The following OSBP variants were observed in gnomAD, a reference collection of about 807,000 sequenced individuals.
OSBP encodes oxysterol-binding protein 1.
A neutral mutation model predicts 96.6 loss-of-function variants in OSBP; 32 were observed. The ratio of observed to expected loss-of-function variants is 0.33; its 90% CI spans 0.25 to 0.45. The LOEUF is 0.45. Among genes scored for constraint, OSBP ranks in the 20% least tolerant of loss-of-function variants. The pLI, the probability that OSBP is intolerant of heterozygous loss-of-function variation, is 1.00. For missense variants in OSBP, 653 were observed against 1,029.7 expected (o/e 0.63, Z 5.01); for synonymous variants, 369 against 389.6 (o/e 0.95, Z 0.62).
chr11:59,613,492 G>A (rs1010047250), intron 1 of OSBP, among the ~76,000 whole-genome samples: 2 of 152,302 alleles, frequency 1.3e-5, no homozygotes, highest in African/African-American at 4.8e-5. Flanking sequence ...GACCACATAC[G>A]AAGGCCCTGA....
At chr11:59,585,965 G>A (rs1860494836) in intron 9 of OSBP, among the ~76,000 whole-genome samples, 1 of 152,026 alleles carries the variant, frequency 6.6e-6, no homozygotes, top group African/African-American at 2.4e-5. Context: ...ATGCTTGAAG[G>A]CAGCATGCTG....
intron 3 of OSBP, among the ~76,000 whole-genome samples, chr11:59,602,308 G>C (rs1860734004): frequency 1.3e-5 from 2 of 152,116 alleles, no homozygotes. Context: ...CCAAGTATGG[G>C]GAAACTCATT....
intron 1 of OSBP, among the ~76,000 whole-genome samples, chr11:59,614,918 T>G (rs1016939417): frequency 1.3e-5 from 2 of 151,966 alleles, no homozygotes; most frequent in African/African-American, 4.8e-5. Flanking sequence ...TTGGGAGGAG[T>G]GCCTCGGGTT....
At chr11:59,606,963 C>T (rs1198387212) in intron 3 of OSBP, among the ~76,000 whole-genome samples, 1 of 152,124 alleles carries the variant, frequency 6.6e-6, no homozygotes, top group Non-Finnish European at 1.5e-5. Context: ...TTCCCTTTAA[C>T]ACAAACTCTG....
chr11:59,577,690 C>T (rs1860375986), intron 12 of OSBP, among the ~76,000 whole-genome samples: 1 of 152,112 alleles, frequency 6.6e-6, no homozygotes, highest in Non-Finnish European at 1.5e-5. Context: ...ACGGTTTCGC[C>T]ATGTTGGCCA....
chr11:59,614,308 A>G (rs1435806122), intron 1 of OSBP, among the ~76,000 whole-genome samples: 7 of 152,190 alleles, frequency 4.6e-5, no homozygotes, highest in Non-Finnish European at 8.8e-5. Flanking sequence ...TAAGATGGGA[A>G]TATTTCCCAA....
intron 9 of OSBP, among the ~76,000 whole-genome samples, chr11:59,593,055 C>T (rs1326774520): frequency 1.3e-5 from 2 of 152,134 alleles, no homozygotes; most frequent in Admixed American, 6.5e-5. Context: ...GCCCTGGCCT[C>T]CCAAAGTGCT....
chr11:59,615,585 G>A lies in OSBP; in HGVS notation c.80C>T (p.Pro27Leu), dbSNP rs1860916671. Residue 27 changes from proline (P) to leucine (L), a missense_variant, in exon 1 of 14, where the codon CCC becomes CTC. This residue lies in a region of OSBP where 151 missense variants were observed against 146.1 expected (regional missense o/e 1.03). Coordinates refer to ENST00000263847, the MANE Select transcript of OSBP (RefSeq NM_002556.3). ...GCCGCCGCCTCCTCCCACCACTGGG[G>A]GACCGGCGCCGCCGCCGCCAAGTGC... is the stretch of plus-strand genomic sequence containing the variant. ...IAALGGGGAG[P>L]PVVGGGGGRG... 1.8e-5 allele frequency: 25 copies of A among 1,374,558 alleles called. No individual in the cohort carries two copies. Among genetic ancestry groups the A allele is most frequent in the Middle Eastern group, 2.6e-4 (1 of 3,816 alleles). The allele number at this position is 1,374,558 out of a possible 1,614,324, so 85.1% of individuals were successfully genotyped here.
At chr11:59,609,123 C>A (rs1001451834) in intron 2 of OSBP, among the ~76,000 whole-genome samples, 2 of 152,188 alleles carry the variant, frequency 1.3e-5, no homozygotes, top group African/African-American at 4.8e-5. Context: ...TACTGAGCTC[C>A]TTAACTCTAG....
At chr11:59,601,536 T>A in intron 4 of OSBP, 104 bp downstream of exon 4, 1 of 1,193,310 alleles carries the variant, frequency 8.4e-7, no homozygotes, top group African/African-American at 1.5e-5. Context: ...CCAATTCCAT[T>A]TCACATGACT....
chr11:59,603,529 GT>G (rs370609645), intron 3 of OSBP, among the ~76,000 whole-genome samples: 3,520 of 86,826 alleles, frequency 0.041, 49 homozygotes, highest in African/African-American at 0.12. Flanking sequence ...ATCACCTTCA[GT>G]TTTTTTTTTT....
chr11:59,614,029 G>T (rs1345694624), intron 1 of OSBP, among the ~76,000 whole-genome samples: 1 of 151,954 alleles, frequency 6.6e-6, no homozygotes, highest in Non-Finnish European at 1.5e-5. Flanking sequence ...CAAAGAGGAT[G>T]GTCTCTGGAA....
At chr11:59,603,363 A>T (rs1860744015) in intron 3 of OSBP, among the ~76,000 whole-genome samples, 1 of 152,238 alleles carries the variant, frequency 6.6e-6, no homozygotes, top group East Asian at 1.9e-4. Context: ...GGTAAACAGG[A>T]TATTTACTCC....
intron 3 of OSBP, 110 bp from the exon 4 acceptor site, chr11:59,601,948 A>G (rs1008287539): frequency 2.0e-5 from 17 of 859,860 alleles, no homozygotes; most frequent in Non-Finnish European, 2.7e-5. Context: ...CTGGCAAATT[A>G]CAATGAAAGA....
chr11:59,575,901 T>C lies in OSBP; in HGVS notation c.*676A>G, dbSNP rs1255497629. ...AGTGGTCTCCAGTTGCTATTAAAGATGATGGAGAACAACAGAGGGGTGTTT... is the reference window on the plus strand; with the variant it reads ...AGTGGTCTCCAGTTGCTATTAAAGACGATGGAGAACAACAGAGGGGTGTTT... On this transcript the variant is annotated 3_prime_UTR_variant, in exon 14 of 14. Transcript: ENST00000263847. 6.6e-6 allele frequency: 1 copy of C among 152,152 alleles called. No homozygotes were observed. Among genetic ancestry groups the C allele is most frequent in the Non-Finnish European group, 1.5e-5 (1 of 68,032 alleles). The allele number at this position is 152,152 out of a possible 1,614,324, so 9.4% of individuals were successfully genotyped here. A position where few individuals can be genotyped will look rare whatever the true frequency, so the allele number is the denominator to read the frequency against.
rs1368421128 is a variant in OSBP, at chr11:59,576,762, T to C, written c.2281+43A>G. 5.6e-6 allele frequency: 9 copies of C among 1,612,504 alleles called. No homozygotes were observed. In the South Asian group the frequency reaches 7.7e-5, roughly 14 times the overall value. On this transcript the variant is annotated intron_variant, in intron 13 of 13. Transcript: ENST00000263847. ...GAAAGAAAAAAATTAGTGCTGGCAT[T>C]CTCCATGCATCAAGAAAGAAGAGTA...
intron 7 of OSBP, 152 bp from the exon 8 acceptor site, chr11:59,594,407 C>G (rs1157805167): frequency 1.5e-6 from 1 of 673,080 alleles, no homozygotes; most frequent in South Asian, 1.9e-5. Flanking sequence ...AACCCATTCT[C>G]CTTGTCAACT....
At chr11:59,582,951 G>A (rs536299098) in intron 9 of OSBP, among the ~76,000 whole-genome samples, 1 of 152,250 alleles carries the variant, frequency 6.6e-6, no homozygotes, top group South Asian at 2.1e-4. Context: ...AAAATCAGTG[G>A]TTTCACAGCA....
chr11:59,611,899 A>G (rs1030734188), intron 1 of OSBP, among the ~76,000 whole-genome samples: 1 of 152,238 alleles, frequency 6.6e-6, no homozygotes, highest in Non-Finnish European at 1.5e-5. Context: ...TTCTAGCACA[A>G]TCGAGTGTCT....
Sources: gnomAD v4.1 joint callset for allele counts (sites outside exome capture counted in the v4.1 genomes callset) on GRCh38, gnomAD v4.1.1 for gene constraint, gnomAD v4.1.1 regional missense constraint, MANE v1.5 for transcripts, NCBI Gene and HGNC (gene_info 2026-07-23, HGNC 2026-07-21) for gene names.